The following RNF212 variants were observed in gnomAD, a reference collection of about 807,000 sequenced individuals.
RNF212 encodes the protein ring finger protein 212.
A neutral mutation model predicts 34.7 loss-of-function variants in RNF212; 33 were observed. That is an observed-to-expected ratio of 0.95 (90% CI 0.72 to 1.27). The LOEUF (loss-of-function observed/expected upper bound fraction) is 1.27. Ranked by LOEUF, RNF212 falls within the 50% of genes most tolerant of loss-of-function variation. RNF212 has a pLI of 0.00. For synonymous variants in RNF212, 140 were observed against 136.1 expected, an observed-to-expected ratio of 1.03 and a Z score of -0.20; for missense variants, 377 against 362.2, an observed-to-expected ratio of 1.04 and a Z score of -0.33.
intron 3 of RNF212, among the ~76,000 whole-genome samples, chr4:1,091,559 C>A (rs1035374704): frequency 6.6e-6 from 1 of 152,202 alleles, no homozygotes; most frequent in South Asian, 2.1e-4. Context: ...CTCCATCCCC[C>A]ACTTCACTCC....
At position 1,108,913 on chromosome 4, in the gene RNF212, C is replaced by G. The variant is rs546904358; in HGVS notation, c.110-509G>C. Among the ~76,000 whole-genome samples the G allele has an allele frequency of 2.6e-5, 4 of 152,080 alleles. No homozygotes were observed. In the South Asian group the frequency reaches 8.3e-4, roughly 32 times the overall value. ...ACAGGGTCTCACTATGTTGCCCACA[C>G]TGGGCTCGAACTCCTGGGCTCAAAC... On this transcript the variant is annotated intron_variant, in intron 1 of 9. Coordinates refer to ENST00000433731, the MANE Select transcript of RNF212 (RefSeq NM_001131034.4).
At chr4:1,111,062 A>G (rs961045416) in intron 1 of RNF212, among the ~76,000 whole-genome samples, 3 of 152,172 alleles carry the variant, frequency 2.0e-5, no homozygotes, top group Non-Finnish European at 4.4e-5. Flanking sequence ...CGTCTCCATC[A>G]TTCCTAACAA....
Position 1,079,015 on chromosome 4 carries a change from T to C in RNF212, c.510+628A>G, listed in dbSNP as rs1369467997. On this transcript the variant is annotated intron_variant, in intron 8 of 9. Transcript: ENST00000433731. ...GGACCAACATAGGACCAACACAGGG[T>C]CAACACAGGACCAACATGGGACCAA... 4.8e-5 allele frequency among the ~76,000 whole-genome samples: 5 copies of C among 104,660 alleles called. No homozygotes were observed. In the East Asian group the frequency reaches 1.0e-3, roughly 21 times the overall value. The allele number at this position is 104,660 out of a possible 152,430, so 68.7% of individuals were successfully genotyped here. A position where few individuals can be genotyped will look rare whatever the true frequency, so the allele number is the denominator to read the frequency against.
intron 5 of RNF212, among the ~76,000 whole-genome samples, chr4:1,084,610 G>A (rs1720881032): frequency 6.6e-6 from 1 of 151,446 alleles, no homozygotes; most frequent in Admixed American, 6.6e-5. Flanking sequence ...CGTGCCTGTG[G>A]TCCCAGCTAC....
intron 3 of RNF212, among the ~76,000 whole-genome samples, chr4:1,063,540 A>G (rs4690347): frequency 0.81 from 123,046 of 151,690 alleles, 50,608 homozygotes; most frequent in African/African-American, 0.94. Flanking sequence ...GTGAAACCCC[A>G]TCTCTACAAA....
downstream of RNF212, among the ~76,000 whole-genome samples, chr4:1,068,096 T>C (rs1055732315): frequency 1.1e-4 from 16 of 152,176 alleles, no homozygotes; most frequent in South Asian, 1.0e-3. Flanking sequence ...ACTTTCTCTG[T>C]AGAATTTGAC....
rs1718540841 is a variant in RNF212 at position 1,071,951 on chromosome 4, C to G, written c.*923G>C. 6.6e-6 allele frequency: 1 copy of G among 152,228 alleles called. No homozygotes were observed. Among genetic ancestry groups the G allele is most frequent in the East Asian group, 1.9e-4 (1 of 5,202 alleles). The allele number at this position is 152,228 out of a possible 1,614,324, so 9.4% of individuals were successfully genotyped here. A position where few individuals can be genotyped will look rare whatever the true frequency, so the allele number is the denominator to read the frequency against. On this transcript the variant is annotated 3_prime_UTR_variant, in exon 10 of 10. Coordinates refer to ENST00000433731, the MANE Select transcript of RNF212 (RefSeq NM_001131034.4). Reference sequence around the variant, plus strand: ...CAAAGGAGCTGAAAACATGTCTACACAAAACCCTGGCACATGGACATCTAT... The same window carrying G: ...CAAAGGAGCTGAAAACATGTCTACAGAAAACCCTGGCACATGGACATCTAT...
intron 3 of RNF212, among the ~76,000 whole-genome samples, chr4:1,092,648 C>A (rs909646876): frequency 6.6e-6 from 1 of 152,232 alleles, no homozygotes; most frequent in Non-Finnish European, 1.5e-5. Context: ...GCCTCTTGAA[C>A]TGAGCCAGAG....
At chr4:1,066,128 G>T (rs1165715532) in intron 3 of RNF212, among the ~76,000 whole-genome samples, 2 of 150,106 alleles carry the variant, frequency 1.3e-5, no homozygotes, top group African/African-American at 4.9e-5. Flanking sequence ...TTGCTATGTT[G>T]CCCAGGCTGG....
At chr4:1,093,280 A>G (rs1003426103) in intron 3 of RNF212, 52 of 714,570 alleles carry the variant, frequency 7.3e-5, no homozygotes, top group African/African-American at 9.5e-5. Context: ...ATCTGTTGGT[A>G]TTTACCCTAT....
chr4:1,100,217 T>TTAGGCACC, intron 2 of RNF212: 1 of 298,044 alleles, frequency 3.4e-6, no homozygotes, highest in Non-Finnish European at 6.6e-6. Context: ...ACTTCTAGCG[T>TTAGGCACC]TAGGTCTTGT....
rs781018063 is a variant in RNF212, at chr4:1,081,629, T to C, written c.363-10A>G. 3 of 1,592,646 alleles carry C rather than the reference T, an allele frequency of 1.9e-6. No individual in the cohort carries two copies. The highest frequency in any genetic ancestry group is 1.7e-5 in the Admixed American group (1 of 59,952). ...TTGTGATGATCTCATACTAAATAGATGGAGAAAAGGTATTGAATTAAATCA... is the reference window on the plus strand; with the variant it reads ...TTGTGATGATCTCATACTAAATAGACGGAGAAAAGGTATTGAATTAAATCA... On this transcript the variant is annotated splice_polypyrimidine_tract_variant and intron_variant, in intron 5 of 9. Transcript: ENST00000433731.
At chr4:1,057,505 G>T (rs926298584) in intron 4 of RNF212, among the ~76,000 whole-genome samples, 4 of 152,166 alleles carry the variant, frequency 2.6e-5, no homozygotes, top group African/African-American at 9.7e-5. Context: ...GCTGAGTCCA[G>T]CCTGCCACCT....
At chr4:1,079,986 C>A (rs1720063703) in intron 7 of RNF212, among the ~76,000 whole-genome samples, 1 of 152,224 alleles carries the variant, frequency 6.6e-6, no homozygotes, top group African/African-American at 2.4e-5. Flanking sequence ...CAGCTTCTCC[C>A]TCCAGACAAC....
chr4:1,099,924 G>A lies in RNF212; in HGVS notation c.172-3085C>T, dbSNP rs1319224823. On this transcript the variant is annotated intron_variant, in intron 2 of 9. Transcript: ENST00000433731. Reference sequence around the variant, plus strand: ...GACTCGCTGTCAGACACAGGAAAGGGGCGCTGCAAAAGAGGGCTCTTATCA... The same window carrying A: ...GACTCGCTGTCAGACACAGGAAAGGAGCGCTGCAAAAGAGGGCTCTTATCA... 5 of 454,644 alleles carry A rather than the reference G, an allele frequency of 1.1e-5. No individual in the cohort carries two copies. The Admixed American group carries it at 1.2e-4, about 11-fold the overall frequency. 28.2% of individuals were successfully genotyped at this position (454,644 alleles called of 1,614,324 possible).
At chr4:1,101,832 C>T (rs892336398) in intron 2 of RNF212, among the ~76,000 whole-genome samples, 2 of 152,146 alleles carry the variant, frequency 1.3e-5, no homozygotes, top group African/African-American at 4.8e-5. Flanking sequence ...AACTACTTTC[C>T]TTGACCTAAA....
intron 3 of RNF212, chr4:1,093,278 G>C (rs608066): frequency 1.4e-6 from 1 of 698,062 alleles, no homozygotes; most frequent in Non-Finnish European, 2.1e-6. Context: ...TTATCTGTTG[G>C]TATTTACCCT....
intron 2 of RNF212, among the ~76,000 whole-genome samples, chr4:1,104,738 C>T (rs749701432): frequency 1.3e-4 from 20 of 152,190 alleles, no homozygotes; most frequent in Non-Finnish European, 2.5e-4. Context: ...GATGCTGGGG[C>T]AGCATGTGGC....
In RNF212 at chr4:1,084,960, C is replaced by A. The variant is rs115764266; in HGVS notation, c.362+936G>T. On this transcript the variant is annotated intron_variant, in intron 5 of 9. Transcript: ENST00000433731. The stretch of plus-strand genomic sequence containing the variant: ...CACCAGCCAGTGTGACTGGCGTCAC[C>A]AGCTTCCCACAGGCCCCACGGCCCC... 2.8e-3 allele frequency among the ~76,000 whole-genome samples: 425 copies of A among 152,342 alleles called. 3 individuals are homozygous for A. Among genetic ancestry groups the A allele is most frequent in the African/African-American group, 9.8e-3 (406 of 41,582 alleles).
Sources: allele counts gnomAD v4.1 joint callset (sites outside exome capture counted in the v4.1 genomes callset), GRCh38; gene constraint gnomAD v4.1.1; transcripts MANE v1.5; gene names NCBI Gene and HGNC (gene_info 2026-07-23, HGNC 2026-07-21).